The following USH2A variants were observed in gnomAD, a reference collection of about 807,000 sequenced individuals.
USH2A encodes the protein usherin, also known as Usher syndrome 2A (autosomal recessive, mild).
USH2A carries 443 observed loss-of-function variants against 538.9 expected under a neutral mutation model. That is an observed-to-expected ratio of 0.82 (90% CI 0.76 to 0.89). The LOEUF is 0.89. Among genes scored for constraint, USH2A ranks in the 40% least tolerant of loss-of-function variants. The pLI is 0.00. For synonymous variants in USH2A, 2,413 were observed against 2,273.5 expected (o/e 1.06, Z -1.75); for missense variants, 6,633 against 6,324.8 (o/e 1.05, Z -1.65).
rs760777446 is a variant in USH2A, at chr1:215,888,713, G to T, written c.7936C>A (p.Pro2646Thr). The change falls in exon 41 of 72, where the codon CCC becomes ACC. Residue 2646 changes from proline (P) to threonine (T), a missense_variant. Pro to Thr is a conservative substitution (Grantham distance 38). Transcript: ENST00000307340. ...TPTSVIISWQ[P>T]PTHPNGLVEN... ...ACCAAGCCATTGGGGTGGGTAGGGG[G>T]TTGCCAAGATATAATCACAGATGTT... The T allele has an allele frequency of 1.2e-5, 19 of 1,614,034 alleles. No homozygotes were observed. The African/African-American group carries it at 2.1e-4, about 18-fold the overall frequency.
At chr1:215,640,783 AGTGC>A (rs1255700476) in intron 67 of USH2A, 49 bp from the exon 68 acceptor site, 1 of 1,494,412 alleles carries the variant, frequency 6.7e-7, no homozygotes, top group African/African-American at 1.5e-5. Context: ...TCTTTGAAGG[AGTGC>A]AGGTGTGCAC....
intron 55 of USH2A, among the ~76,000 whole-genome samples, chr1:215,768,642 G>A (rs1484453619): frequency 6.6e-6 from 1 of 152,090 alleles, no homozygotes; most frequent in Non-Finnish European, 1.5e-5. Context: ...AAAGCTCATC[G>A]GAAAATGCTA....
intron 61 of USH2A, among the ~76,000 whole-genome samples, chr1:215,713,534 G>T (rs1198342177): frequency 6.6e-6 from 1 of 152,130 alleles, no homozygotes; most frequent in African/African-American, 2.4e-5. Context: ...CTGAAGCAGA[G>T]ACTTGCCATC....
chr1:216,000,762 G>T (rs1323315670), intron 32 of USH2A, among the ~76,000 whole-genome samples, 200 bp from the exon 33 acceptor site: 3 of 152,244 alleles, frequency 2.0e-5, no homozygotes, highest in African/African-American at 4.8e-5. Flanking sequence ...AAATAGACAA[G>T]TGTCAATCAA....
intron 64 of USH2A, among the ~76,000 whole-genome samples, chr1:215,663,547 C>T (rs181476501): frequency 6.6e-6 from 1 of 152,208 alleles, no homozygotes; most frequent in African/African-American, 2.4e-5. Context: ...GCAGTTCTTG[C>T]TTCTGGCTGG....
Position 216,246,736 on chromosome 1 carries a change from C to T in USH2A, c.2658G>A (p.Arg886=), listed in dbSNP as rs774441548. 12 of 1,614,100 alleles carry T rather than the reference C, an allele frequency of 7.4e-6. No homozygotes were observed. The highest frequency in any genetic ancestry group is 9.3e-6 in the Non-Finnish European group (11 of 1,179,994). ...GLRCNQCEPH[R]YNLTIDNFQH... The stretch of plus-strand genomic sequence containing the variant: ...GAAAATTGTCAATGGTCAAATTGTA[C>T]CTGTGAGGCTCACACTGATTACAGC... The change falls in exon 13 of 72, where the codon AGG becomes AGA. Residue 886 remains arginine (R), a synonymous_variant. Transcript: ENST00000307340.
Position 216,400,216 on chromosome 1 carries a change from TTATATATATA to T in USH2A, c.651+18288_651+18297del, listed in dbSNP as rs71161422. Among the ~76,000 whole-genome samples, 30 of 147,228 alleles carry T rather than the reference TTATATATATA, an allele frequency of 2.0e-4. 1 individual carries two copies. Among genetic ancestry groups the T allele is most frequent in the Non-Finnish European group, 1.7e-4 (11 of 66,660 alleles). On this transcript the variant is annotated intron_variant, in intron 3 of 71. Coordinates refer to ENST00000307340, the MANE Select transcript of USH2A (RefSeq NM_206933.4). ...AGAAACCCCAGCATAGAAATAGAAG[TTATATATATA>T]TATATATATATAAAAGATCCAAACG... is the stretch of plus-strand genomic sequence containing the variant.
At chr1:215,911,378 A>C (rs1665777568) in intron 38 of USH2A, among the ~76,000 whole-genome samples, 1 of 151,896 alleles carries the variant, frequency 6.6e-6, no homozygotes, top group Non-Finnish European at 1.5e-5. Context: ...GCCTCTGGTA[A>C]CCATCCTTCT....
In USH2A at chr1:216,381,617, A is replaced by T. The variant is rs185644033; in HGVS notation, c.652-16532T>A. 5.9e-5 allele frequency among the ~76,000 whole-genome samples: 9 copies of T among 152,348 alleles called. No individual in the cohort carries two copies. In the East Asian group the frequency reaches 9.6e-4, roughly 16 times the overall value. ...AGCTACCACTTGTAAGCCATGTTAT[A>T]AAGAAGTTGGTTCAAAATTTTAAAG... On this transcript the variant is annotated intron_variant, in intron 3 of 71. Transcript: ENST00000307340.
chr1:215,983,139 C>T (rs1265627022), intron 35 of USH2A, among the ~76,000 whole-genome samples: 16 of 151,950 alleles, frequency 1.1e-4, no homozygotes, highest in Admixed American at 7.9e-4. Context: ...TTAGTAGAGA[C>T]GGGGTTTCGC....
Position 215,639,346 on chromosome 1 carries a change from A to G in USH2A, c.14969-108T>C, listed in dbSNP as rs1273499928. On this transcript the variant is annotated intron_variant, in intron 68 of 71. Transcript: ENST00000307340. ...CATAGCATGAAAAATAGGATTCCAA[A>G]GCAAGTTATGACGTTTTATATAATA... is the stretch of plus-strand genomic sequence containing the variant. 1.0e-5 allele frequency: 11 copies of G among 1,056,402 alleles called. No individual in the cohort carries two copies. The African/African-American group carries it at 1.7e-4, about 17-fold the overall frequency. The allele number at this position is 1,056,402 out of a possible 1,614,324, so 65.4% of individuals were successfully genotyped here. A position where few individuals can be genotyped will look rare whatever the true frequency, so the allele number is the denominator to read the frequency against.
intron 37 of USH2A, among the ~76,000 whole-genome samples, chr1:215,963,193 TTAAA>T (rs1248075293): frequency 6.6e-6 from 1 of 152,146 alleles, no homozygotes; most frequent in Non-Finnish European, 1.5e-5. Flanking sequence ...AGATGATATC[TTAAA>T]TAAGTTTGAT....
rs766028490 is a variant in USH2A, at chr1:216,323,511, T to G, written c.1513A>C (p.Arg505=). 2 of 1,613,492 alleles carry G rather than the reference T, an allele frequency of 1.2e-6. No homozygotes were observed. Among genetic ancestry groups the G allele is most frequent in the South Asian group, 1.1e-5 (1 of 91,072 alleles). The change falls in exon 8 of 72, where the codon AGA becomes CGA. Residue 505 remains arginine (R), a synonymous_variant. Transcript: ENST00000307340. The part of the protein sequence containing the change: ...TTETAVNLRH[R]YYAVDEITIS... ...GTGATTTCGTCCACTGCATAATATC[T>G]GTGTCTGAGGTTAACAGCAGTCTCA...
chr1:216,245,289 T>C (rs889724149), intron 13 of USH2A, among the ~76,000 whole-genome samples: 2 of 152,112 alleles, frequency 1.3e-5, no homozygotes, highest in African/African-American at 4.8e-5. Context: ...CCACAATGAA[T>C]TGGCTCAGAG....
intron 11 of USH2A, among the ~76,000 whole-genome samples, chr1:216,283,342 G>A (rs533895790): frequency 7.2e-5 from 11 of 152,100 alleles, no homozygotes; most frequent in Non-Finnish European, 7.4e-5. Context: ...CACCCGCCTC[G>A]GCTTCCCAAA....
At chr1:216,364,404 C>T (rs557681037) in intron 4 of USH2A, among the ~76,000 whole-genome samples, 133 of 152,134 alleles carry the variant, frequency 8.7e-4, no homozygotes, top group African/African-American at 3.1e-3. Flanking sequence ...GAAAGCTTCC[C>T]AAATGTAGTA....
At chr1:216,041,690 G>T (rs960162249) in intron 32 of USH2A, among the ~76,000 whole-genome samples, 1 of 151,982 alleles carries the variant, frequency 6.6e-6, no homozygotes, top group Non-Finnish European at 1.5e-5. Flanking sequence ...AGGATAGCTC[G>T]TGGAGAAGTC....
chr1:215,716,268 T>C (rs764631775), intron 61 of USH2A, among the ~76,000 whole-genome samples: 6 of 152,266 alleles, frequency 3.9e-5, no homozygotes, highest in Non-Finnish European at 5.9e-5. Context: ...TAATTTTTCA[T>C]GTATCCTTGA....
intron 41 of USH2A, among the ~76,000 whole-genome samples, chr1:215,887,289 C>T (rs1028893816): frequency 6.6e-6 from 1 of 151,968 alleles, no homozygotes; most frequent in African/African-American, 2.4e-5. Context: ...TGTTTTGTTG[C>T]ATCATAGTGA....
Sources: gnomAD v4.1 joint callset for allele counts (sites outside exome capture counted in the v4.1 genomes callset) on GRCh38, gnomAD v4.1.1 for gene constraint, MANE v1.5 for transcripts, NCBI Gene and HGNC (gene_info 2026-07-23, HGNC 2026-07-21) for gene names.